ARR3: variants seen among roughly 807,000 people sequenced by gnomAD.
ARR3 encodes arrestin 3.
In ARR3, 14 loss-of-function variants were observed where a neutral mutation model predicts 35.4. The observed-to-expected ratio is 0.40, with a 90% CI of 0.26 to 0.62. ARR3 has a LOEUF of 0.62. Among genes scored for constraint, ARR3 ranks in the 20% least tolerant of loss-of-function variants. The pLI is 0.46. For synonymous variants in ARR3, 97 were observed against 119.1 expected (o/e 0.81, Z 1.21); for missense variants, 259 against 303.8 (o/e 0.85, Z 1.10).
At chrX:70,273,214 C>CTTTTTTTT (rs59650423) in intron 5 of ARR3, among the ~76,000 whole-genome samples, 2 of 41,637 alleles carry the variant, frequency 4.8e-5, no homozygotes, top group East Asian at 7.8e-4. Flanking sequence ...GAAAGGATTC[C>CTTTTTTTT]TTTTTTTTTT....
At chrX:70,269,578 T>A (rs2085621338) in intron 2 of ARR3, 84 bp from the exon 3 acceptor site, 1 of 1,100,413 alleles carries the variant, frequency 9.1e-7, no homozygotes, top group African/African-American at 1.8e-5. Flanking sequence ...TAAGAATATT[T>A]CTTTTTCTCC....
chrX:70,276,303 C>G (rs1400107236), intron 6 of ARR3, 22 bp downstream of exon 6: 2 of 1,202,804 alleles, frequency 1.7e-6, no homozygotes, highest in East Asian at 5.9e-5. Flanking sequence ...AAGCCCTGGG[C>G]AGGCAAGGTC....
rs2147641592 is a variant in ARR3 at position 70,276,853 on chromosome X, A to G, written c.473+117A>G. ...CTCCACAGCCTCATCGCCACCAGTG[A>G]CACCCGGTTCTGAGTCCCCTCTGAC... On this transcript the variant is annotated intron_variant, in intron 8 of 16. Transcript: ENST00000307959. The G allele has an allele frequency of 4.5e-6, 3 of 664,738 alleles. No individual in the cohort carries two copies. The South Asian group carries it at 8.3e-5, about 18-fold the overall frequency. The allele number at this position is 664,738 out of a possible 1,213,427, so 54.8% of individuals were successfully genotyped here. A position where few individuals can be genotyped will look rare whatever the true frequency, so the allele number is the denominator to read the frequency against.
At chrX:70,274,481 G>A (rs889161278) in intron 5 of ARR3, among the ~76,000 whole-genome samples, 53 of 112,509 alleles carry the variant, frequency 4.7e-4, no homozygotes, top group African/African-American at 1.7e-3. Flanking sequence ...GATTACAGGC[G>A]TGAGCTACCA....
chrX:70,281,701 T>A lies in ARR3; in HGVS notation c.1102T>A (p.Phe368Ile). ...ASSEDIVIEE[F>I]TRKGEEESQK... ...CTCTGAGGACATAGTCATCGAGGAG[T>A]TTACGCGGAAAGGCGAGGAGGAGAG... The change falls in exon 17 of 17, where the codon TTT (phenylalanine) becomes ATT (isoleucine). Residue 368 changes from phenylalanine to isoleucine, a missense_variant. Coordinates refer to ENST00000307959, the MANE Select transcript of ARR3 (RefSeq NM_004312.3). The A allele has an allele frequency of 8.4e-7, 1 of 1,186,331 alleles. No homozygotes were observed. The highest frequency in any genetic ancestry group is 1.9e-5 in the South Asian group (1 of 53,610).
intron 1 of ARR3, among the ~76,000 whole-genome samples, chrX:70,268,761 CAA>C (rs1417622491): frequency 8.9e-6 from 1 of 112,419 alleles, no homozygotes; most frequent in Non-Finnish European, 1.9e-5. Context: ...ATGAAGGCAC[CAA>C]CCCCTTCTCT....
intron 15 of ARR3, 95 bp from the exon 16 acceptor site, chrX:70,281,004 G>GGC (rs2085680143): frequency 1.6e-5 from 14 of 898,022 alleles, no homozygotes; most frequent in Middle Eastern, 6.4e-4. Context: ...TGGGAAGTTG[G>GGC]GGGGGGGGGA....
rs188520298 is a variant in ARR3, at chrX:70,277,877, T to C, written c.694+77T>C. 3 of 986,884 alleles carry C rather than the reference T, an allele frequency of 3.0e-6. No individual in the cohort carries two copies. In the African/African-American group the frequency reaches 5.8e-5, roughly 19 times the overall value. The allele number at this position is 986,884 out of a possible 1,213,427, so 81.3% of individuals were successfully genotyped here. On this transcript the variant is annotated intron_variant, in intron 10 of 16. Coordinates refer to ENST00000307959, the MANE Select transcript of ARR3 (RefSeq NM_004312.3). ...TTCCCAAAATTCTATCTCACTTACC[T>C]GTCTGCATTCATCTAGGCTTTCCCT...
At chrX:70,278,736 C>T (rs1187455513) in intron 12 of ARR3, 95 bp downstream of exon 12, 2 of 1,081,501 alleles carry the variant, frequency 1.8e-6, no homozygotes, top group South Asian at 2.3e-5. Flanking sequence ...TCAGTAAAGC[C>T]TACCTGTTTT....
At chrX:70,280,486 T>C (rs1157136385) in intron 13 of ARR3, 73 bp from the exon 14 acceptor site, 3 of 1,105,986 alleles carry the variant, frequency 2.7e-6, no homozygotes, top group Non-Finnish European at 3.6e-6. Context: ...TTATGATCCC[T>C]CATCCCCTTG....
At chrX:70,272,644 T>C (rs889726821) in intron 5 of ARR3, among the ~76,000 whole-genome samples, 1 of 111,989 alleles carries the variant, frequency 8.9e-6, no homozygotes, top group African/African-American at 3.2e-5. Flanking sequence ...CACACATTTT[T>C]AAAGCTTTCT....
chrX:70,281,200 G>A, intron 16 of ARR3, 92 bp downstream of exon 16: 1 of 1,099,119 alleles, frequency 9.1e-7, no homozygotes, highest in Non-Finnish European at 1.2e-6. Flanking sequence ...TGCTTCCTTG[G>A]GGTGCTTTCA....
chrX:70,278,160 G>T (rs369418122), intron 11 of ARR3, 22 bp downstream of exon 11: 3 of 1,189,568 alleles, frequency 2.5e-6, no homozygotes, highest in African/African-American at 3.6e-5. Context: ...CTGGGGCTAG[G>T]ACCAGAGAGC....
chrX:70,281,190 T>C (rs1189556543), intron 16 of ARR3, 82 bp downstream of exon 16: 7 of 1,132,598 alleles, frequency 6.2e-6, no homozygotes, highest in African/African-American at 5.4e-5. Flanking sequence ...AATGTGAAAA[T>C]GCTTCCTTGG....
chrX:70,280,951 A>T, intron 15 of ARR3, 133 bp downstream of exon 15: 1 of 825,889 alleles, frequency 1.2e-6, no homozygotes, highest in African/African-American at 2.4e-5. Context: ...GTGTCTAGGT[A>T]TTCAGGGGAA....
intron 9 of ARR3, 89 bp downstream of exon 9, chrX:70,277,618 G>A (rs893159791): frequency 2.6e-5 from 30 of 1,173,306 alleles, no homozygotes; most frequent in Non-Finnish European, 3.3e-5. Context: ...GCAGAGATGG[G>A]AGCCAGGGTG....
intron 13 of ARR3, 94 bp from the exon 14 acceptor site, chrX:70,280,465 C>A: frequency 9.6e-7 from 1 of 1,038,076 alleles, no homozygotes; most frequent in South Asian, 2.3e-5. Flanking sequence ...CTGTGGCTGG[C>A]TCATTAGGTC....
chrX:70,272,100 T>C (rs774628699), intron 5 of ARR3, among the ~76,000 whole-genome samples: 2 of 109,206 alleles, frequency 1.8e-5, no homozygotes, highest in African/African-American at 6.7e-5. Flanking sequence ...CATCCTGACC[T>C]TTTTTTCTGT....
rs191125490 is a variant in ARR3, at chrX:70,278,505, G to C, written c.769G>C (p.Glu257Gln). The C allele has an allele frequency of 4.1e-6, 5 of 1,206,766 alleles. No homozygotes were observed. The African/African-American group carries it at 8.8e-5, about 21-fold the overall frequency. ...TKTVFIQEFT[E>Q]TVAANSSFSQ... ...TCTTCTCTTGTTCTTCTTTTGTAGG[G>C]AGACTGTAGCTGCTAATTCCAGCTT... The change falls in exon 12 of 17, where the codon GAG (glutamate) becomes CAG (glutamine). Residue 257 changes from glutamate (E) to glutamine (Q), a missense_variant and splice_region_variant. Glu to Gln is a conservative substitution (Grantham distance 29). Transcript: ENST00000307959.
Sources: gnomAD v4.1 joint callset for allele counts (sites outside exome capture counted in the v4.1 genomes callset) on GRCh38, gnomAD v4.1.1 for gene constraint, MANE v1.5 for transcripts, NCBI Gene and HGNC (gene_info 2026-07-23, HGNC 2026-07-21) for gene names.